CMYA5: variants seen among roughly 807,000 people sequenced by gnomAD.
CMYA5 encodes the protein cardiomyopathy associated 5.
A neutral mutation model predicts 318.9 loss-of-function variants in CMYA5; 246 were observed. The ratio of observed to expected loss-of-function variants is 0.77; its 90% CI spans 0.70 to 0.86. The LOEUF (loss-of-function observed/expected upper bound fraction) is 0.86, where lower values mean the gene tolerates loss of function less well. CMYA5 is among the 40% of genes least tolerant of loss of function. The probability of loss-of-function intolerance (pLI) is 0.00; values close to 1 mark genes in which losing one functional copy is unlikely to be tolerated. For missense variants in CMYA5, 4,589 were observed against 4,678.2 expected (o/e 0.98, Z 0.56); for synonymous variants, 1,641 against 1,729.5 (o/e 0.95, Z 1.27).
intron 4 of CMYA5, 122 bp downstream of exon 4, chr5:79,745,577 C>A: frequency 1.4e-6 from 1 of 724,430 alleles, no homozygotes; most frequent in Middle Eastern, 3.6e-4. Flanking sequence ...TTATATAATT[C>A]TGGCATTTAA....
intron 1 of CMYA5, among the ~76,000 whole-genome samples, chr5:79,690,694 C>T (rs1035457652): frequency 6.6e-6 from 1 of 152,100 alleles, no homozygotes; most frequent in Non-Finnish European, 1.5e-5. Context: ...TTAAGAAGGC[C>T]CTAAAATGAG....
intron 12 of CMYA5, among the ~76,000 whole-genome samples, chr5:79,797,060 G>T (rs2151102090): frequency 6.6e-6 from 1 of 152,312 alleles, no homozygotes; most frequent in South Asian, 2.1e-4. Context: ...TGGTTAATTT[G>T]CTAACAACCT....
In CMYA5 at chr5:79,730,794, A is replaced by G. The variant is rs756730949; in HGVS notation, c.2029A>G (p.Met677Val). The G allele has an allele frequency of 1.2e-6, 2 of 1,613,704 alleles. No homozygotes were observed. Among genetic ancestry groups the G allele is most frequent in the South Asian group, 1.1e-5 (1 of 91,064 alleles). ...PLFSTVTPEY[M>V]VLSGDEASES... is the part of the protein sequence containing the mutation. ...GTTTTCAACAGTTACACCAGAATAC[A>G]TGGTCCTATCAGGAGACGAGGCCTC... Residue 677 changes from methionine (M) to valine (V), a missense_variant, in exon 2 of 13, where the codon ATG becomes GTG. Around this residue, in one of 3 missense-constraint regions of CMYA5, gnomAD observed 2,132 missense variants for 2,131.3 expected, o/e 1.00. Transcript: ENST00000446378.
At chr5:79,799,256 C>A in intron 12 of CMYA5, 114 bp from the exon 13 acceptor site, 1 of 1,081,422 alleles carries the variant, frequency 9.2e-7, no homozygotes, top group Non-Finnish European at 1.3e-6. Flanking sequence ...TATTGCAACT[C>A]CTTATTGTGA....
chr5:79,744,160 CACTT>C (rs1348672675), intron 3 of CMYA5, among the ~76,000 whole-genome samples: 5 of 152,338 alleles, frequency 3.3e-5, no homozygotes, highest in Admixed American at 1.3e-4. Flanking sequence ...CATTTATTAA[CACTT>C]ACTATAATAG....
chr5:79,799,873 A>AACACCG lies in CMYA5; in HGVS notation c.*258_*259insCACCGA. On this transcript the variant is annotated 3_prime_UTR_variant, in exon 13 of 13. Coordinates refer to ENST00000446378, the MANE Select transcript of CMYA5 (RefSeq NM_153610.5). ...AAGTTTGAGTTCTTTCCTAAATTAA[A>AACACCG]AGATCTACACTTGAGTTGGGAACCG... 10 of 142,338 alleles carry AACACCG rather than the reference A, an allele frequency of 7.0e-5. No homozygotes were observed. Among genetic ancestry groups the AACACCG allele is most frequent in the Middle Eastern group, 3.1e-3 (1 of 324 alleles). 8.8% of individuals were successfully genotyped at this position (142,338 alleles called of 1,614,324 possible).
In CMYA5 at chr5:79,735,508, A is replaced by T; in HGVS notation, c.6743A>T (p.Glu2248Val). ...LSEVKLKTAD[E>V]PRGTLVKSGD... is the part of the protein sequence containing the mutation. The stretch of plus-strand genomic sequence containing the variant: ...GAGGTAAAACTTAAAACTGCTGATG[A>T]ACCCAGAGGTACTTTAGTAAAATCT... The change falls in exon 2 of 13, where the codon GAA becomes GTA. Residue 2248 changes from glutamate (E) to valine (V), a missense_variant. This residue lies in a region of CMYA5 where 2,431 missense variants were observed against 2,495.1 expected (regional missense o/e 0.97). Transcript: ENST00000446378. 5 of 1,613,308 alleles carry T rather than the reference A, an allele frequency of 3.1e-6. No individual in the cohort carries two copies. Among genetic ancestry groups the T allele is most frequent in the Non-Finnish European group, 2.5e-6 (3 of 1,179,674 alleles).
intron 10 of CMYA5, 86 bp from the exon 11 acceptor site, chr5:79,790,884 T>G: frequency 1.2e-6 from 1 of 837,208 alleles, no homozygotes; most frequent in Non-Finnish European, 2.0e-6. Context: ...GGGGAAAGAG[T>G]CTAGGGTCTG....
At chr5:79,765,795 A>G (rs1196394819) in intron 9 of CMYA5, among the ~76,000 whole-genome samples, 2 of 152,068 alleles carry the variant, frequency 1.3e-5, no homozygotes, top group Non-Finnish European at 2.9e-5. Flanking sequence ...GTGTTTGTCT[A>G]TTATGGTTGT....
Position 79,735,942 on chromosome 5 carries a change from T to C in CMYA5, c.7177T>C (p.Ser2393Pro), listed in dbSNP as rs761265609. Residue 2393 changes from serine to proline, a missense_variant, in exon 2 of 13, where the codon TCC (serine) becomes CCC (proline). Around this residue, in one of 3 missense-constraint regions of CMYA5, gnomAD observed 2,431 missense variants for 2,495.1 expected, o/e 0.97. Coordinates refer to ENST00000446378, the MANE Select transcript of CMYA5 (RefSeq NM_153610.5). The stretch of plus-strand genomic sequence containing the variant: ...GCCACAACAGCCAAAATCAGCTTCC[T>C]CCAACTTTGCAAGTAAAAATATCAC... ...KVPQQPKSAS[S>P]NFASKNITKE... 1.2e-6 allele frequency: 2 copies of C among 1,611,378 alleles called. No individual in the cohort carries two copies. The highest frequency in any genetic ancestry group is 1.3e-5 in the African/African-American group (1 of 74,900).
In CMYA5 at chr5:79,733,444, A is replaced by C; in HGVS notation, c.4679A>C (p.Lys1560Thr). 1 of 1,613,876 alleles carries C rather than the reference A, an allele frequency of 6.2e-7. No homozygotes were observed. The highest frequency in any genetic ancestry group is 8.5e-7 in the Non-Finnish European group (1 of 1,179,836). Residue 1560 changes from lysine (K) to threonine (T), a missense_variant, in exon 2 of 13, where the codon AAA becomes ACA. Transcript: ENST00000446378. ...VSPASKHIIP[K>T]GKDEETASSS... ...CCTGCATCCAAACATATAATCCCAA[A>C]AGGCAAAGATGAGGAAACAGCAAGT...
chr5:79,735,502 C>G lies in CMYA5; in HGVS notation c.6737C>G (p.Ala2246Gly). The change falls in exon 2 of 13, where the codon GCT (alanine) becomes GGT (glycine). Residue 2246 changes from alanine to glycine, a missense_variant. By Grantham distance (60) the Ala-to-Gly change is moderately conservative (BLOSUM62 0). Around this residue, in one of 3 missense-constraint regions of CMYA5, gnomAD observed 2,431 missense variants for 2,495.1 expected, o/e 0.97. Coordinates refer to ENST00000446378, the MANE Select transcript of CMYA5 (RefSeq NM_153610.5). ...HSLSEVKLKTADEPRGTLVKS... is the reference protein window; with the variant it reads ...HSLSEVKLKTGDEPRGTLVKS... ...TTATCAGAGGTAAAACTTAAAACTG[C>G]TGATGAACCCAGAGGTACTTTAGTA... The G allele has an allele frequency of 6.2e-7, 1 of 1,613,606 alleles. No homozygotes were observed. The highest frequency in any genetic ancestry group is 8.5e-7 in the Non-Finnish European group (1 of 1,179,722).
At chr5:79,769,153 T>A (rs1828810318) in intron 9 of CMYA5, among the ~76,000 whole-genome samples, 1 of 152,034 alleles carries the variant, frequency 6.6e-6, no homozygotes, top group Non-Finnish European at 1.5e-5. Flanking sequence ...ATTAGGTCAT[T>A]TATGTTCTTC....
At chr5:79,777,055 A>C (rs1828951947) in intron 9 of CMYA5, among the ~76,000 whole-genome samples, 1 of 152,192 alleles carries the variant, frequency 6.6e-6, no homozygotes, top group African/African-American at 2.4e-5. Flanking sequence ...CTGAATTATC[A>C]AATTCCTGGA....
chr5:79,790,753 G>A (rs751370818), intron 10 of CMYA5, among the ~76,000 whole-genome samples: 8 of 152,252 alleles, frequency 5.3e-5, no homozygotes, highest in Non-Finnish European at 7.3e-5. Context: ...AGGGTACACC[G>A]TGAGGACGTG....
rs1296372959 is a variant in CMYA5 at position 79,738,133 on chromosome 5, A to C, written c.9368A>C (p.Asn3123Thr). ...ESFYGPEKGHNILSHPETQSQ... is the reference protein window; with the variant it reads ...ESFYGPEKGHTILSHPETQSQ... ...TTTTATGGACCAGAAAAGGGCCACAACATATTATCTCATCCAGAGACCCAA... is the reference window on the plus strand; with the variant it reads ...TTTTATGGACCAGAAAAGGGCCACACCATATTATCTCATCCAGAGACCCAA... The change falls in exon 2 of 13, where the codon AAC becomes ACC. Residue 3123 changes from asparagine (N) to threonine (T), a missense_variant. Coordinates refer to ENST00000446378, the MANE Select transcript of CMYA5 (RefSeq NM_153610.5). 1 of 1,613,750 alleles carries C rather than the reference A, an allele frequency of 6.2e-7. No homozygotes were observed. Among genetic ancestry groups the C allele is most frequent in the Non-Finnish European group, 8.5e-7 (1 of 1,179,830 alleles).
chr5:79,793,610 G>C lies in CMYA5; in HGVS notation c.11963G>C (p.Arg3988Thr). 6.3e-7 allele frequency: 1 copy of C among 1,590,024 alleles called. No homozygotes were observed. The highest frequency in any genetic ancestry group is 8.6e-7 in the Non-Finnish European group (1 of 1,160,766). ...TACATGCACTGCTCTGAGCCACAGA[G>C]GTAAGCGAGCCCTTCCCCTCCCCTC... The part of the protein sequence containing the change: ...SWYMHCSEPQ[R>T]YTFFYSGIVS... Residue 3988 changes from arginine (R) to threonine (T), a missense_variant and splice_region_variant, in exon 12 of 13, where the codon AGA (arginine) becomes ACA (threonine). By Grantham distance (71) the Arg-to-Thr change is moderately conservative. Coordinates refer to ENST00000446378, the MANE Select transcript of CMYA5 (RefSeq NM_153610.5).
At chr5:79,699,122 C>T (rs1410060206) in intron 1 of CMYA5, among the ~76,000 whole-genome samples, 1 of 152,138 alleles carries the variant, frequency 6.6e-6, no homozygotes, top group Non-Finnish European at 1.5e-5. Flanking sequence ...GGTACCACTG[C>T]ACTCCAGCCT....
rs1386392791 is a variant in CMYA5, at chr5:79,758,878, C to T, written c.11236C>T (p.Pro3746Ser). ...ATTTCAGGTTTACTGCATGGAGGAG[C>T]CACAAGATGATCAAGAAGTAAATGG... is the stretch of plus-strand genomic sequence containing the variant. ...DSFQVYCMEEPQDDQEVNELV... is the reference protein window; with the variant it reads ...DSFQVYCMEESQDDQEVNELV... The change falls in exon 7 of 13, where the codon CCA becomes TCA. Residue 3746 changes from proline to serine, a missense_variant. Transcript: ENST00000446378. 1 of 1,590,308 alleles carries T rather than the reference C, an allele frequency of 6.3e-7. No homozygotes were observed. The highest frequency in any genetic ancestry group is 2.3e-5 in the East Asian group (1 of 43,792).
Sources: allele counts gnomAD v4.1 joint callset (sites outside exome capture counted in the v4.1 genomes callset), GRCh38; gene constraint gnomAD v4.1.1; regional missense constraint gnomAD v4.1.1; transcripts MANE v1.5; gene names NCBI Gene and HGNC (gene_info 2026-07-23, HGNC 2026-07-21).